SPTBN1: variants seen among roughly 807,000 people sequenced by gnomAD.
The protein encoded by SPTBN1 is spectrin beta, non-erythrocytic 1.
SPTBN1 carries 32 observed loss-of-function variants against 266.4 expected under a neutral mutation model. The ratio of observed to expected loss-of-function variants is 0.12; its 90% CI spans 0.09 to 0.16. The LOEUF is 0.16. Among genes scored for constraint, SPTBN1 ranks in the 10% least tolerant of loss-of-function variants. The probability of loss-of-function intolerance (pLI) is 1.00; values close to 1 mark genes in which losing one functional copy is unlikely to be tolerated. For synonymous variants in SPTBN1, 1,336 were observed against 1,162.2 expected (o/e 1.15, Z -3.04); for missense variants, 2,296 against 3,067.1 (o/e 0.75, Z 5.94).
chr2:54,560,930 C>T (rs1290976696), intron 2 of SPTBN1, among the ~76,000 whole-genome samples: 1 of 152,186 alleles, frequency 6.6e-6, no homozygotes, highest in Non-Finnish European at 1.5e-5. Flanking sequence ...CACACACACA[C>T]AAAACCTTTC....
intron 32 of SPTBN1, chr2:54,660,693 CT>C: frequency 1.0e-6 from 1 of 985,434 alleles, no homozygotes; most frequent in Non-Finnish European, 1.2e-6. Flanking sequence ...TCATTTATTA[CT>C]TTTTACAAAC....
intron 4 of SPTBN1, among the ~76,000 whole-genome samples, chr2:54,612,930 A>G (rs931707505): frequency 6.6e-6 from 1 of 152,188 alleles, no homozygotes; most frequent in Non-Finnish European, 1.5e-5. Context: ...GGCTCTAAGT[A>G]TAGAAGTATT....
intron 2 of SPTBN1, among the ~76,000 whole-genome samples, chr2:54,547,959 C>T (rs932912051): frequency 3.9e-5 from 6 of 151,966 alleles, no homozygotes; most frequent in African/African-American, 4.8e-5. Flanking sequence ...CTGGCTAACA[C>T]GGTGAAACCC....
chr2:54,479,799 T>A (rs1021128638), intron 1 of SPTBN1, among the ~76,000 whole-genome samples: 12 of 152,214 alleles, frequency 7.9e-5, no homozygotes, highest in Non-Finnish European at 1.6e-4. Flanking sequence ...ATTCATGTAA[T>A]AACCATTTAA....
rs1400675954 is a variant in SPTBN1 at position 54,558,583 on chromosome 2, G to GT, written c.148+32018dup. On this transcript the variant is annotated intron_variant, in intron 2 of 35. Coordinates refer to ENST00000356805, the MANE Select transcript of SPTBN1 (RefSeq NM_003128.3). This position sits in a 1 kb window ranked among gnomAD's most constrained non-coding sequence, Gnocchi z 4.6. ...AAGCAAGAAATTAGATGCCTGTGTG[G>GT]TAACTCCTCGCGGAGCTAAGGTGGA... 7.3e-7 allele frequency: 1 copy of GT among 1,371,894 alleles called. No homozygotes were observed. The highest frequency in any genetic ancestry group is 9.4e-7 in the Non-Finnish European group (1 of 1,059,872). 85.0% of individuals were successfully genotyped at this position (1,371,894 alleles called of 1,614,324 possible). A position where few individuals can be genotyped will look rare whatever the true frequency, so the allele number is the denominator to read the frequency against.
intron 1 of SPTBN1, among the ~76,000 whole-genome samples, chr2:54,521,704 G>C (rs1441870501): frequency 1.3e-5 from 2 of 151,996 alleles, no homozygotes; most frequent in Non-Finnish European, 2.9e-5. Context: ...AGTGAAGAAG[G>C]GTTGGGAGGG....
rs113666152 is a variant in SPTBN1, at chr2:54,628,532, G to A, written c.1798+282G>A. On this transcript the variant is annotated intron_variant, in intron 13 of 35. Transcript: ENST00000356805. This position sits in a 1 kb window ranked among gnomAD's most constrained non-coding sequence, Gnocchi z 4.3. ...ACCTCAGTCTCTCTGGCCATGCACC[G>A]ACACCCTGGTGTGGCTGTTCCAGCA... 5.9e-3 allele frequency among the ~76,000 whole-genome samples: 902 copies of A among 152,250 alleles called. 12 individuals carry two copies. Among genetic ancestry groups the A allele is most frequent in the African/African-American group, 0.02 (833 of 41,528 alleles).
At chr2:54,658,228 C>G (rs1182813381) in intron 30 of SPTBN1, among the ~76,000 whole-genome samples, 182 bp downstream of exon 30, 3 of 152,138 alleles carry the variant, frequency 2.0e-5, no homozygotes, top group Non-Finnish European at 4.4e-5. Context: ...AGGGTCAGGA[C>G]TGTTACCTCC....
At chr2:54,661,426 T>G (rs1188091858) in intron 32 of SPTBN1, 64 of 985,912 alleles carry the variant, frequency 6.5e-5, no homozygotes, top group Non-Finnish European at 7.7e-5. Flanking sequence ...TCTTTTTATT[T>G]CATGATGCAT....
intron 1 of SPTBN1, among the ~76,000 whole-genome samples, chr2:54,524,782 A>G (rs1036005190): frequency 3.3e-5 from 5 of 152,226 alleles, no homozygotes; most frequent in Middle Eastern, 3.4e-3. Context: ...GCCACATTGA[A>G]CTTGCCGTTC....
intron 2 of SPTBN1, among the ~76,000 whole-genome samples, chr2:54,579,656 C>G (rs995961258): frequency 7.9e-5 from 12 of 152,180 alleles, no homozygotes; most frequent in African/African-American, 2.9e-4. Context: ...GCATGGAGTT[C>G]TGAAAAGTAC....
intron 2 of SPTBN1, 70 bp from the exon 3 acceptor site, chr2:54,599,022 C>T (rs1240781093): frequency 6.4e-7 from 1 of 1,559,814 alleles, no homozygotes. Flanking sequence ...GGTCTTGTGG[C>T]CCTGCTAGCA....
intron 31 of SPTBN1, 74 bp from the exon 32 acceptor site, chr2:54,659,862 C>CCCA: frequency 1.3e-6 from 2 of 1,542,962 alleles, no homozygotes; most frequent in Admixed American, 4.1e-5. Context: ...ATGATGTTCT[C>CCCA]CCACCCTTTC....
chr2:54,484,205 A>C (rs752258472), intron 1 of SPTBN1, among the ~76,000 whole-genome samples: 2 of 152,096 alleles, frequency 1.3e-5, no homozygotes, highest in African/African-American at 2.4e-5. Flanking sequence ...ACAAAACCAA[A>C]TATGTCTGTT....
chr2:54,585,312 A>G (rs753671639), intron 2 of SPTBN1, among the ~76,000 whole-genome samples: 8 of 152,344 alleles, frequency 5.3e-5, no homozygotes, highest in Admixed American at 6.5e-5. Context: ...TGAACTGTCA[A>G]CTGCCCTGCC....
chr2:54,595,583 C>G (rs982084011), intron 2 of SPTBN1, among the ~76,000 whole-genome samples: 2 of 152,268 alleles, frequency 1.3e-5, no homozygotes, highest in Non-Finnish European at 2.9e-5. Context: ...TGCTGCTGCT[C>G]CTCTGCCTTG....
At chr2:54,500,589 A>G (rs1002584676) in intron 1 of SPTBN1, among the ~76,000 whole-genome samples, 1 of 152,172 alleles carries the variant, frequency 6.6e-6, no homozygotes, top group African/African-American at 2.4e-5. Flanking sequence ...TCTGTTGCCC[A>G]GGCTGGAGTG....
At chr2:54,552,098 G>A (rs1380054909) in intron 2 of SPTBN1, among the ~76,000 whole-genome samples, 1 of 152,114 alleles carries the variant, frequency 6.6e-6, no homozygotes, top group South Asian at 2.1e-4. Flanking sequence ...AATGCCCTTT[G>A]CCAAAAATCC....
At chr2:54,508,152 T>G (rs1187975403) in intron 1 of SPTBN1, among the ~76,000 whole-genome samples, 5 of 152,088 alleles carry the variant, frequency 3.3e-5, no homozygotes, top group African/African-American at 1.2e-4. Context: ...CTTGGGTGAT[T>G]TGACTAGTAA....
Sources: gnomAD v4.1 joint callset for allele counts (sites outside exome capture counted in the v4.1 genomes callset) on GRCh38, gnomAD v4.1.1 for gene constraint, Gnocchi (gnomAD v3.1) non-coding constraint, MANE v1.5 for transcripts, NCBI Gene and HGNC (gene_info 2026-07-23, HGNC 2026-07-21) for gene names.